Variants in TM7SF3 observed in about 807,000 individuals in gnomAD.
The protein encoded by TM7SF3 is transmembrane 7 superfamily member 3, also known as seven span transmembrane protein.
In TM7SF3, 60 loss-of-function variants were observed where a neutral mutation model predicts 65.5. The observed-to-expected ratio is 0.92, with a 90% CI of 0.74 to 1.14. The LOEUF is 1.14. Among genes scored for constraint, TM7SF3 ranks in the 50% most tolerant of loss-of-function variants. The pLI is 0.00. For synonymous variants in TM7SF3, 264 were observed against 259.6 expected, an observed-to-expected ratio of 1.02 and a Z score of -0.16; for missense variants, 623 against 684.8, an observed-to-expected ratio of 0.91 and a Z score of 1.01.
chr12:27,002,643 T>C (rs1235450667), intron 2 of TM7SF3, among the ~76,000 whole-genome samples: 1 of 152,158 alleles, frequency 6.6e-6, no homozygotes, highest in Non-Finnish European at 1.5e-5. Context: ...AGACTCTTCA[T>C]AGCTTAAACT....
At position 26,997,823 on chromosome 12, in the gene TM7SF3, C is replaced by CTTTT. The variant is rs3071165; in HGVS notation, c.398-965_398-962dup. Among the ~76,000 whole-genome samples the CTTTT allele has an allele frequency of 5.3e-3, 599 of 114,026 alleles. 7 individuals carry two copies. The highest frequency in any genetic ancestry group is 0.01 in the Middle Eastern group (2 of 200). 74.8% of individuals were successfully genotyped at this position (114,026 alleles called of 152,430 possible). A position where few individuals can be genotyped will look rare whatever the true frequency, so the allele number is the denominator to read the frequency against. Reference sequence around the variant, plus strand: ...TCCGTAGACTGTAACTTACCACTTCCTTTTTTTTTTTTTTTTTTTTGAGAC... The same window carrying CTTTT: ...TCCGTAGACTGTAACTTACCACTTCCTTTTTTTTTTTTTTTTTTTTTTTTGAGAC... On this transcript the variant is annotated intron_variant, in intron 3 of 11. Coordinates refer to ENST00000343028, the MANE Select transcript of TM7SF3 (RefSeq NM_016551.3).
At chr12:26,997,649 C>T (rs1940653008) in intron 3 of TM7SF3, among the ~76,000 whole-genome samples, 2 of 152,028 alleles carry the variant, frequency 1.3e-5, no homozygotes, top group African/African-American at 2.4e-5. Context: ...CTTCCCTTTA[C>T]CCCCAAGCTT....
chr12:26,994,950 A>G (rs1219855436), intron 5 of TM7SF3, among the ~76,000 whole-genome samples: 2 of 152,210 alleles, frequency 1.3e-5, no homozygotes, highest in African/African-American at 4.8e-5. Flanking sequence ...TAGTCGTGGG[A>G]GTACACAGAA....
intron 7 of TM7SF3, among the ~76,000 whole-genome samples, chr12:26,980,913 T>C (rs1333708364): frequency 6.6e-6 from 1 of 152,226 alleles, no homozygotes; most frequent in Non-Finnish European, 1.5e-5. Flanking sequence ...TTTCCATTGT[T>C]AAATTGTTAT....
intron 2 of TM7SF3, among the ~76,000 whole-genome samples, chr12:27,000,580 C>T (rs1940789429): frequency 6.6e-6 from 1 of 152,150 alleles, no homozygotes; most frequent in Admixed American, 6.5e-5. Flanking sequence ...CTGTCTCAGC[C>T]TCCCAAGTAG....
chr12:26,974,362 T>A, intron 11 of TM7SF3, 135 bp from the exon 12 acceptor site: 1 of 920,520 alleles, frequency 1.1e-6, no homozygotes, highest in Non-Finnish European at 1.6e-6. Flanking sequence ...AACACATATG[T>A]AGTTCCTCAG....
Position 26,985,658 on chromosome 12 carries a change from T to C in TM7SF3, c.869-2799A>G, listed in dbSNP as rs1190755106. On this transcript the variant is annotated intron_variant, in intron 6 of 11. Transcript: ENST00000343028. ...AAAAAAAAAAAAAAAAAAAAATATA[T>C]ATATATATATATATATATATACACA... is the stretch of plus-strand genomic sequence containing the variant. 2.1e-3 allele frequency among the ~76,000 whole-genome samples: 133 copies of C among 62,942 alleles called. 3 individuals carry two copies. The highest frequency in any genetic ancestry group is 0.016 in the Middle Eastern group (2 of 128). 41.3% of individuals were successfully genotyped at this position (62,942 alleles called of 152,430 possible).
rs143254245 is a variant in TM7SF3 at position 26,990,370 on chromosome 12, T to C, written c.868+80A>G. 3.4e-4 allele frequency: 365 copies of C among 1,063,946 alleles called. No homozygotes were observed. In the African/African-American group the frequency reaches 5.1e-3, roughly 15 times the overall value. 65.9% of individuals were successfully genotyped at this position (1,063,946 alleles called of 1,614,324 possible). On this transcript the variant is annotated intron_variant, in intron 6 of 11. Transcript: ENST00000343028. ...AACGTAGGGGCTCAAAAGGTATGTGTTGAATGAATGAGAACTAGACAAAAG... is the reference window on the plus strand; with the variant it reads ...AACGTAGGGGCTCAAAAGGTATGTGCTGAATGAATGAGAACTAGACAAAAG...
rs1274238166 is a variant in TM7SF3, at chr12:27,012,940, G to T, written c.91+1138C>A. 1.2e-5 allele frequency: 4 copies of T among 334,626 alleles called. No homozygotes were observed. In the Admixed American group the frequency reaches 1.3e-4, roughly 11 times the overall value. 20.7% of individuals were successfully genotyped at this position (334,626 alleles called of 1,614,324 possible). On this transcript the variant is annotated intron_variant, in intron 1 of 11. Transcript: ENST00000343028. ...TTGAACCCGGGTGTCGGAGGTTGCA[G>T]TCAGCCAAGATCATGCCACTGCACT...
At chr12:26,993,358 C>T (rs570114732) in intron 5 of TM7SF3, among the ~76,000 whole-genome samples, 2 of 152,348 alleles carry the variant, frequency 1.3e-5, no homozygotes, top group African/African-American at 4.8e-5. Context: ...AGTCAGTATT[C>T]TCATAAAGTA....
rs1476801490 is a variant in TM7SF3, at chr12:26,974,032, A to T, written c.1646T>A (p.Leu549Ter). 1 of 1,614,008 alleles carries T rather than the reference A, an allele frequency of 6.2e-7. No individual in the cohort carries two copies. Among genetic ancestry groups the T allele is most frequent in the African/African-American group, 1.3e-5 (1 of 74,902 alleles). ...CTGGAAGAGCCCTTTAATCTGGGTT[A>T]ATCGGCCATAGAGCCTCTCTCTCAA... ...PPLRERLYGRLTQIKGLFQKE... is the reference protein window; with the variant it reads ...PPLRERLYGR Residue 549 changes from leucine to a stop codon, truncating the protein, a stop_gained, in exon 12 of 12, where the codon TTA becomes TAA. Coordinates refer to ENST00000343028, the MANE Select transcript of TM7SF3 (RefSeq NM_016551.3). LOFTEE classifies it high-confidence loss of function.
Position 27,008,730 on chromosome 12 carries a change from T to C in TM7SF3, c.92-5340A>G, listed in dbSNP as rs1941135885. On this transcript the variant is annotated intron_variant, in intron 1 of 11. Transcript: ENST00000343028. ...AGAGGTCACAGTTCATTGTTTCATATGTTCATCTACTTGACAGCAACCTTC... is the reference window on the plus strand; with the variant it reads ...AGAGGTCACAGTTCATTGTTTCATACGTTCATCTACTTGACAGCAACCTTC... 2.0e-5 allele frequency among the ~76,000 whole-genome samples: 3 copies of C among 152,294 alleles called. No homozygotes were observed. The South Asian group carries it at 6.2e-4, about 32-fold the overall frequency.
At chr12:26,991,013 G>T (rs1266389425) in intron 5 of TM7SF3, among the ~76,000 whole-genome samples, 1 of 152,082 alleles carries the variant, frequency 6.6e-6, no homozygotes, top group Non-Finnish European at 1.5e-5. Context: ...CAGAGGATGT[G>T]TCCAATGTTA....
rs560445047 is a variant in TM7SF3 at position 26,996,025 on chromosome 12, A to T, written c.519-617T>A. On this transcript the variant is annotated intron_variant, in intron 4 of 11. Coordinates refer to ENST00000343028, the MANE Select transcript of TM7SF3 (RefSeq NM_016551.3). Reference sequence around the variant, plus strand: ...CTGGGGAGGCAAAAAAATTTTTTTTAAAAAAAAGCTGGGTGCAGTGGCTTA... The same window carrying T: ...CTGGGGAGGCAAAAAAATTTTTTTTTAAAAAAAGCTGGGTGCAGTGGCTTA... 7.4e-4 allele frequency among the ~76,000 whole-genome samples: 113 copies of T among 152,022 alleles called. No homozygotes were observed. In the South Asian group the frequency reaches 0.013, roughly 17 times the overall value.
In TM7SF3 at chr12:26,974,015, G is replaced by A. The variant is rs753062266; in HGVS notation, c.1663C>T (p.Leu555Phe). 1.2e-5 allele frequency: 20 copies of A among 1,614,088 alleles called. No homozygotes were observed. The highest frequency in any genetic ancestry group is 1.6e-5 in the Non-Finnish European group (19 of 1,180,046). ...CCAGCTGGCTGCTCCTTCTGGAAGA[G>A]CCCTTTAATCTGGGTTAATCGGCCA... ...LYGRLTQIKG[L>F]FQKEQPAGER... Residue 555 changes from leucine (L) to phenylalanine (F), a missense_variant, in exon 12 of 12, where the codon CTC becomes TTC. By Grantham distance (22) the Leu-to-Phe change is conservative. Transcript: ENST00000343028.
At chr12:26,986,444 C>T (rs1346602613) in intron 6 of TM7SF3, among the ~76,000 whole-genome samples, 1 of 152,020 alleles carries the variant, frequency 6.6e-6, no homozygotes, top group South Asian at 2.1e-4. Context: ...GCTACAAATT[C>T]CCAGTAGCCC....
At chr12:27,010,317 C>T (rs547006763) in intron 1 of TM7SF3, among the ~76,000 whole-genome samples, 15 of 152,348 alleles carry the variant, frequency 9.8e-5, no homozygotes, top group African/African-American at 3.6e-4. Context: ...CAATCAGGCA[C>T]TCAGAGCAGC....
chr12:26,988,048 TA>T (rs1436665039), intron 6 of TM7SF3, among the ~76,000 whole-genome samples: 7 of 149,400 alleles, frequency 4.7e-5, no homozygotes, highest in African/African-American at 1.7e-4. Flanking sequence ...GTCAAGGTCT[TA>T]AAAGATTAAA....
chr12:26,988,196 T>G (rs371268667), intron 6 of TM7SF3, among the ~76,000 whole-genome samples: 2 of 152,222 alleles, frequency 1.3e-5, no homozygotes, highest in African/African-American at 4.8e-5. Context: ...GGGGTCTCAC[T>G]CTGTTGCCCA....
Sources: gnomAD v4.1 joint callset for allele counts (sites outside exome capture counted in the v4.1 genomes callset) on GRCh38, gnomAD v4.1.1 for gene constraint, MANE v1.5 for transcripts, NCBI Gene and HGNC (gene_info 2026-07-23, HGNC 2026-07-21) for gene names.